FAIM2: variants seen among roughly 807,000 people sequenced by gnomAD.
FAIM2 encodes Fas apoptotic inhibitory molecule 2, also known as protein lifeguard 2.
A neutral mutation model predicts 47.4 loss-of-function variants in FAIM2; 27 were observed. The observed-to-expected ratio is 0.57, with a 90% CI of 0.42 to 0.78. FAIM2 has a LOEUF of 0.78. Ranked by LOEUF, FAIM2 falls within the 30% of genes least tolerant of loss-of-function variation. The pLI is 0.00. For synonymous variants in FAIM2, 156 were observed against 159.3 expected, an observed-to-expected ratio of 0.98 and a Z score of 0.16; for missense variants, 311 against 389.4, an observed-to-expected ratio of 0.80 and a Z score of 1.69.
Position 49,897,534 on chromosome 12 carries a change from G to A in FAIM2, c.365C>T (p.Ala122Val). 1 of 1,614,140 alleles carries A rather than the reference G, an allele frequency of 6.2e-7. No individual in the cohort carries two copies. Among genetic ancestry groups the A allele is most frequent in the Non-Finnish European group, 8.5e-7 (1 of 1,180,002 alleles). ...IQLLVTLAVV[A>V]LFTFCDPVKD... ...GCCAACTCACCAGAAAGTAAAGAGAGCCACGACAGCCAAGGTCACCAGCAG... is the reference window on the plus strand; with the variant it reads ...GCCAACTCACCAGAAAGTAAAGAGAACCACGACAGCCAAGGTCACCAGCAG... Residue 122 changes from alanine to valine, a missense_variant, in exon 4 of 12, where the codon GCT becomes GTT. Physicochemically the swap from Ala to Val is moderately conservative, Grantham distance 64 (BLOSUM62 0). Transcript: ENST00000320634.
At chr12:49,889,337 T>A in intron 9 of FAIM2, 135 bp from the exon 10 acceptor site, 3 of 951,840 alleles carry the variant, frequency 3.2e-6, no homozygotes, top group Non-Finnish European at 5.0e-6. Flanking sequence ...CTCCTCCCCC[T>A]CATCAGGTGG....
In FAIM2 at chr12:49,891,090, C is replaced by G. The variant is rs761303291; in HGVS notation, c.459G>C (p.Leu153=). ...TGGGTCCAGAACAGCAAGCCAGGGTCAGGTAGGTTGCAAAGAACACAGCAC... is the reference window on the plus strand; with the variant it reads ...TGGGTCCAGAACAGCAAGCCAGGGTGAGGTAGGTTGCAAAGAACACAGCAC... ...ASYAVFFATY[L]TLACCSGPRR... is the part of the protein sequence containing the mutation. Residue 153 remains leucine, a synonymous_variant, in exon 6 of 12, where the codon CTG becomes CTC. Transcript: ENST00000320634. 6 of 1,614,044 alleles carry G rather than the reference C, an allele frequency of 3.7e-6. No individual in the cohort carries two copies. In the East Asian group the frequency reaches 1.1e-4, roughly 30 times the overall value.
intron 5 of FAIM2, among the ~76,000 whole-genome samples, chr12:49,891,521 C>A (rs1172189241): frequency 1.3e-5 from 2 of 152,162 alleles, no homozygotes; most frequent in Non-Finnish European, 2.9e-5. Context: ...ACGGGGAGGT[C>A]AGGCGACTTG....
chr12:49,894,832 G>C (rs621391), intron 5 of FAIM2, among the ~76,000 whole-genome samples: 64,671 of 152,098 alleles, frequency 0.43, 15,325 homozygotes, highest in Non-Finnish European at 0.52. Context: ...TGCCTGGCAG[G>C]GCTATTGAAA....
At position 49,889,104 on chromosome 12, in the gene FAIM2, C is replaced by T. The variant is rs1385047271; in HGVS notation, c.747+3G>A. ...GGGCCTGCTGGGGGACCCAGAGACT[C>T]ACATATTGGAAGGGTAGGAGGATGG... On this transcript the variant is annotated splice_donor_region_variant and intron_variant, in intron 10 of 11. Transcript: ENST00000320634. The T allele has an allele frequency of 1.2e-6, 2 of 1,605,270 alleles. No homozygotes were observed. The highest frequency in any genetic ancestry group is 2.2e-5 in the South Asian group (2 of 89,244).
At chr12:49,880,800 G>T (rs113575485) in intron 11 of FAIM2, among the ~76,000 whole-genome samples, 2,174 of 152,076 alleles carry the variant, frequency 0.014, 57 homozygotes, top group African/African-American at 0.05. Flanking sequence ...ATATGTGTTT[G>T]TGCATGTGGC....
At position 49,880,174 on chromosome 12, in the gene FAIM2, G is replaced by C. The variant is rs369467593; in HGVS notation, c.801+7212C>G. Among the ~76,000 whole-genome samples the C allele has an allele frequency of 4.6e-3, 441 of 95,062 alleles. 2 individuals are homozygous for C. The highest frequency in any genetic ancestry group is 7.2e-3 in the South Asian group (21 of 2,926). The allele number at this position is 95,062 out of a possible 152,430, so 62.4% of individuals were successfully genotyped here. A position where few individuals can be genotyped will look rare whatever the true frequency, so the allele number is the denominator to read the frequency against. On this transcript the variant is annotated intron_variant, in intron 11 of 11. Coordinates refer to ENST00000320634, the MANE Select transcript of FAIM2 (RefSeq NM_012306.4). ...TATGTGTGTGCATGTGTGTATGTGT[G>C]TGTATGCATGTGTGTATATGTGCAT...
intron 11 of FAIM2, among the ~76,000 whole-genome samples, chr12:49,880,879 T>TGAGA (rs753738579): frequency 1.0e-4 from 9 of 87,894 alleles, no homozygotes; most frequent in African/African-American, 4.0e-4. Flanking sequence ...TGCGTGAATG[T>TGAGA]GAGTGTGTGT....
intron 11 of FAIM2, among the ~76,000 whole-genome samples, chr12:49,875,317 G>A (rs936149053): frequency 6.6e-5 from 10 of 152,126 alleles, no homozygotes; most frequent in African/African-American, 2.2e-4. Flanking sequence ...TGACTTGCCC[G>A]CATCACCCAG....
chr12:49,879,657 T>C (rs553399456), intron 11 of FAIM2, among the ~76,000 whole-genome samples: 1 of 150,508 alleles, frequency 6.6e-6, no homozygotes, highest in East Asian at 2.0e-4. Flanking sequence ...CATGTGAATG[T>C]GTATATGTGA....
chr12:49,876,413 A>G (rs200192346), intron 11 of FAIM2, among the ~76,000 whole-genome samples: 1 of 152,288 alleles, frequency 6.6e-6, no homozygotes. Flanking sequence ...AGATGACCAG[A>G]TTTTGAAGCC....
At chr12:49,871,583 A>G (rs529196151) in intron 11 of FAIM2, among the ~76,000 whole-genome samples, 1 of 152,306 alleles carries the variant, frequency 6.6e-6, no homozygotes, top group South Asian at 2.1e-4. Flanking sequence ...TTCTGGAGAA[A>G]GAGGCCAAAA....
intron 5 of FAIM2, among the ~76,000 whole-genome samples, chr12:49,894,557 T>C (rs1029694382): frequency 2.0e-5 from 3 of 152,158 alleles, no homozygotes; most frequent in Admixed American, 6.5e-5. Context: ...CAATGATTTA[T>C]GCATCAGAGC....
intron 11 of FAIM2, among the ~76,000 whole-genome samples, chr12:49,877,265 G>C (rs1418376447): frequency 6.6e-6 from 1 of 152,212 alleles, no homozygotes; most frequent in Non-Finnish European, 1.5e-5. Context: ...GCAGGCCGCA[G>C]GAGGGGGCCT....
At chr12:49,894,225 C>T (rs1946920043) in intron 5 of FAIM2, among the ~76,000 whole-genome samples, 2 of 152,180 alleles carry the variant, frequency 1.3e-5, no homozygotes, top group Non-Finnish European at 1.5e-5. Flanking sequence ...TTTGCGTGGG[C>T]CTGGCACAGG....
rs1175918985 is a variant in FAIM2 at position 49,879,464 on chromosome 12, ATG to A, written c.801+7920_801+7921del. On this transcript the variant is annotated intron_variant, in intron 11 of 11. Coordinates refer to ENST00000320634, the MANE Select transcript of FAIM2 (RefSeq NM_012306.4). ...TGTATATGTGTGTGCATACGTGTATATGTGCATGTGTATGTGCATGTGAGTGT... is the reference window on the plus strand; with the variant it reads ...TGTATATGTGTGTGCATACGTGTATATGCATGTGTATGTGCATGTGAGTGT... 5.3e-5 allele frequency among the ~76,000 whole-genome samples: 4 copies of A among 75,260 alleles called. No individual in the cohort carries two copies. In the East Asian group the frequency reaches 1.3e-3, roughly 25 times the overall value. 49.4% of individuals were successfully genotyped at this position (75,260 alleles called of 152,430 possible). A position where few individuals can be genotyped will look rare whatever the true frequency, so the allele number is the denominator to read the frequency against.
intron 1 of FAIM2, 151 bp downstream of exon 1, chr12:49,903,627 T>A (rs1424500105): frequency 1.9e-6 from 2 of 1,076,084 alleles, no homozygotes; most frequent in Non-Finnish European, 2.7e-6. Context: ...GACACCGGCC[T>A]TTCGGTCCTC....
At chr12:49,885,022 T>C (rs1289670407) in intron 11 of FAIM2, among the ~76,000 whole-genome samples, 1 of 152,126 alleles carries the variant, frequency 6.6e-6, no homozygotes, top group Non-Finnish European at 1.5e-5. Context: ...GCTTTGGATG[T>C]GGAAAGCAAG....
chr12:49,895,669 T>G (rs1369679099), intron 5 of FAIM2, among the ~76,000 whole-genome samples: 1 of 152,176 alleles, frequency 6.6e-6, no homozygotes, highest in Non-Finnish European at 1.5e-5. Context: ...AGGAAAGACT[T>G]TGGAACCCCC....
Sources: gnomAD v4.1 joint callset for allele counts (sites outside exome capture counted in the v4.1 genomes callset) on GRCh38, gnomAD v4.1.1 for gene constraint, MANE v1.5 for transcripts, NCBI Gene and HGNC (gene_info 2026-07-23, HGNC 2026-07-21) for gene names.